The following PGLYRP3 variants were observed in gnomAD, a reference collection of about 807,000 sequenced individuals.
PGLYRP3 encodes peptidoglycan recognition protein 3, also known as peptidoglycan recognition protein I alpha.
PGLYRP3 carries 39 observed loss-of-function variants against 36.0 expected under a neutral mutation model. The ratio of observed to expected loss-of-function variants is 1.08; its 90% confidence interval spans 0.84 to 1.41. The LOEUF is 1.41. Ranked by LOEUF, PGLYRP3 falls within the 40% of genes most tolerant of loss-of-function variation. The probability of loss-of-function intolerance (pLI) is 0.00; values close to 1 mark genes in which losing one functional copy is unlikely to be tolerated. For missense variants in PGLYRP3, 407 were observed against 427.9 expected, an observed-to-expected ratio of 0.95 and a Z score of 0.43; for synonymous variants, 204 against 172.8, an observed-to-expected ratio of 1.18 and a Z score of -1.42.
rs183658656 is a variant in PGLYRP3 at position 153,297,534 on chromosome 1, G to A, written c.*422C>T. 2.4e-3 allele frequency among the ~76,000 whole-genome samples: 202 copies of A among 84,956 alleles called. 3 individuals are homozygous for A. Among genetic ancestry groups the A allele is most frequent in the East Asian group, 0.024 (97 of 4,100 alleles). The allele number at this position is 84,956 out of a possible 152,430, so 55.7% of individuals were successfully genotyped here. A position where few individuals can be genotyped will look rare whatever the true frequency, so the allele number is the denominator to read the frequency against. ...AGGAAGGAAGGAAGGAAGGAAGGAA[G>A]GAAGGAAGGAAGGAAGGAAAGAAAG... On this transcript the variant is annotated 3_prime_UTR_variant, in exon 8 of 8. Transcript: ENST00000683862.
At chr1:153,308,158 C>G (rs1659801332) in intron 2 of PGLYRP3, among the ~76,000 whole-genome samples, 2 of 152,106 alleles carry the variant, frequency 1.3e-5, no homozygotes, top group South Asian at 4.1e-4. Flanking sequence ...CTATGCCAAA[C>G]TAATTTTTTG....
intron 1 of PGLYRP3, among the ~76,000 whole-genome samples, chr1:153,311,537 A>G (rs1167837225): frequency 6.6e-6 from 1 of 152,166 alleles, no homozygotes; most frequent in Non-Finnish European, 1.5e-5. Context: ...TGTGGGCCCA[A>G]GAGGTTGAAC....
intron 6 of PGLYRP3, 46 bp downstream of exon 6, chr1:153,302,363 C>T: frequency 6.3e-7 from 1 of 1,596,006 alleles, no homozygotes; most frequent in South Asian, 1.1e-5. Context: ...TTCCTTCCTA[C>T]AATCCTGAAG....
chr1:153,297,707 A>G lies in PGLYRP3; in HGVS notation c.*249T>C, dbSNP rs79612888. On this transcript the variant is annotated 3_prime_UTR_variant, in exon 8 of 8. Coordinates refer to ENST00000683862, the MANE Select transcript of PGLYRP3 (RefSeq NM_052891.3). Reference sequence around the variant, plus strand: ...ATTGTCTCGCCTGACTGAGGAGGTAAGTGCCCAGGGGAGAGGTAGGTAAAA... The same window carrying G: ...ATTGTCTCGCCTGACTGAGGAGGTAGGTGCCCAGGGGAGAGGTAGGTAAAA... Among the ~76,000 whole-genome samples, 879 of 152,130 alleles carry G rather than the reference A, an allele frequency of 5.8e-3. 13 individuals are homozygous for G. Among genetic ancestry groups the G allele is most frequent in the African/African-American group, 0.02 (836 of 41,490 alleles).
At chr1:153,302,640 A>AT (rs768244279) in intron 5 of PGLYRP3, 33 bp from the exon 6 acceptor site, 9 of 1,608,422 alleles carry the variant, frequency 5.6e-6, no homozygotes, top group Admixed American at 3.3e-5. Context: ...GGAAGTAGGA[A>AT]TTTTTTTTGC....
chr1:153,310,714 A>G lies in PGLYRP3; in HGVS notation c.-41-8T>C. Reference sequence around the variant, plus strand: ...AGAGTGTGGACGGCAGCCCTGGAAGAGAGGCTAACAGTTAACACAACCATG... The same window carrying G: ...AGAGTGTGGACGGCAGCCCTGGAAGGGAGGCTAACAGTTAACACAACCATG... On this transcript the variant is annotated splice_region_variant and splice_polypyrimidine_tract_variant and intron_variant, in intron 1 of 7. Coordinates refer to ENST00000683862, the MANE Select transcript of PGLYRP3 (RefSeq NM_052891.3). 6.5e-7 allele frequency: 1 copy of G among 1,530,070 alleles called. No homozygotes were observed. The highest frequency in any genetic ancestry group is 1.7e-5 in the Admixed American group (1 of 58,504). The allele number at this position is 1,530,070 out of a possible 1,614,324, so 94.8% of individuals were successfully genotyped here.
rs1659457610 is a variant in PGLYRP3 at position 153,297,506 on chromosome 1, GGAAGGAAGGAAGGAAGGAAGGAAGGA to G, written c.*424_*449del. Among the ~76,000 whole-genome samples the G allele has an allele frequency of 2.0e-5, 1 of 50,658 alleles. No individual in the cohort carries two copies. The allele number at this position is 50,658 out of a possible 152,430, so 33.2% of individuals were successfully genotyped here. ...AAAGCAAGAAAGAAGGTGAAAGGAA[GGAAGGAAGGAAGGAAGGAAGGAAGGA>G]AGGAAGGAAGGAAGGAAGGAAAGAA... On this transcript the variant is annotated 3_prime_UTR_variant, in exon 8 of 8. Transcript: ENST00000683862.
At chr1:153,302,302 C>A in intron 6 of PGLYRP3, 107 bp downstream of exon 6, 1 of 1,269,296 alleles carries the variant, frequency 7.9e-7, no homozygotes, top group Non-Finnish European at 1.1e-6. Flanking sequence ...CTTATGGAAA[C>A]CACCCAGCCC....
chr1:153,312,253 G>A (rs116674323), intron 1 of PGLYRP3, among the ~76,000 whole-genome samples: 1 of 152,280 alleles, frequency 6.6e-6, no homozygotes, highest in African/African-American at 2.4e-5. Context: ...CACTAAGCTG[G>A]TAGGATAAGC....
intron 5 of PGLYRP3, among the ~76,000 whole-genome samples, chr1:153,303,473 T>C (rs189372141): frequency 6.6e-6 from 1 of 152,382 alleles, no homozygotes; most frequent in East Asian, 1.9e-4. Context: ...CATATACATT[T>C]CTTTGTTATT....
At chr1:153,311,558 C>T (rs1659898195) in intron 1 of PGLYRP3, among the ~76,000 whole-genome samples, 1 of 152,180 alleles carries the variant, frequency 6.6e-6, no homozygotes, top group Non-Finnish European at 1.5e-5. Context: ...TATAGGATCA[C>T]TATAGTCTTT....
rs555304506 is a variant in PGLYRP3, at chr1:153,297,690, G to T, written c.*266C>A. Among the ~76,000 whole-genome samples, 2 of 152,030 alleles carry T rather than the reference G, an allele frequency of 1.3e-5. No homozygotes were observed. Among genetic ancestry groups the T allele is most frequent in the Admixed American group, 6.5e-5 (1 of 15,270 alleles). On this transcript the variant is annotated 3_prime_UTR_variant, in exon 8 of 8. Coordinates refer to ENST00000683862, the MANE Select transcript of PGLYRP3 (RefSeq NM_052891.3). Reference sequence around the variant, plus strand: ...GCCACAAGGACCAGCCCATTGTCTCGCCTGACTGAGGAGGTAAGTGCCCAG... The same window carrying T: ...GCCACAAGGACCAGCCCATTGTCTCTCCTGACTGAGGAGGTAAGTGCCCAG...
chr1:153,310,954 T>C (rs1200498563), intron 1 of PGLYRP3, among the ~76,000 whole-genome samples: 2 of 152,232 alleles, frequency 1.3e-5, no homozygotes, highest in East Asian at 1.9e-4. Flanking sequence ...TGGTTCCTCA[T>C]AGAAGCGCAG....
intron 7 of PGLYRP3, among the ~76,000 whole-genome samples, chr1:153,298,743 G>A (rs369605579): frequency 9.2e-5 from 14 of 152,130 alleles, no homozygotes; most frequent in East Asian, 1.9e-4. Context: ...CCACTGGGCC[G>A]CCCACTGGTT....
intron 7 of PGLYRP3, among the ~76,000 whole-genome samples, chr1:153,298,737 TG>T (rs574008852): frequency 1.5e-3 from 226 of 152,264 alleles, no homozygotes; most frequent in African/African-American, 5.2e-3. Flanking sequence ...ACAGCACCAC[TG>T]GGCCGCCCAC....
At chr1:153,301,552 C>G (rs530352691) in intron 6 of PGLYRP3, among the ~76,000 whole-genome samples, 1 of 152,266 alleles carries the variant, frequency 6.6e-6, no homozygotes, top group African/African-American at 2.4e-5. Context: ...TTCTTGTTAC[C>G]TGTGCTAAAT....
intron 3 of PGLYRP3, 101 bp from the exon 4 acceptor site, chr1:153,305,166 T>C (rs1659709485): frequency 4.6e-6 from 4 of 873,848 alleles, no homozygotes; most frequent in Non-Finnish European, 7.2e-6. Context: ...CATAAGTAAG[T>C]ACTATGTTCC....
intron 5 of PGLYRP3, 109 bp from the exon 6 acceptor site, chr1:153,302,716 C>T: frequency 2.0e-6 from 2 of 980,088 alleles, no homozygotes; most frequent in Non-Finnish European, 1.6e-6. Flanking sequence ...GCCTCCAGCA[C>T]CCACGGGCAC....
intron 3 of PGLYRP3, among the ~76,000 whole-genome samples, chr1:153,305,603 CT>C (rs1659721209): frequency 6.6e-6 from 1 of 152,302 alleles, no homozygotes; most frequent in African/African-American, 2.4e-5. Flanking sequence ...ATTCCTGCCT[CT>C]TTATAATTTC....
Sources: gnomAD v4.1 joint callset for allele counts (sites outside exome capture counted in the v4.1 genomes callset) on GRCh38, gnomAD v4.1.1 for gene constraint, MANE v1.5 for transcripts, NCBI Gene and HGNC (gene_info 2026-07-23, HGNC 2026-07-21) for gene names.